The following CSMD1 variants were observed in gnomAD, a reference collection of about 807,000 sequenced individuals.
CSMD1 encodes CUB and sushi domain-containing protein 1.
Under a neutral mutation model 417.5 loss-of-function variants are expected in CSMD1, and 213 were observed. The ratio of observed to expected loss-of-function variants is 0.51; its 90% confidence interval spans 0.46 to 0.57. The LOEUF (loss-of-function observed/expected upper bound fraction) is 0.57, where lower values mean the gene tolerates loss of function less well. CSMD1 is among the 20% of genes least tolerant of loss of function. The pLI, the probability that CSMD1 is intolerant of heterozygous loss-of-function variation, is 0.00. For missense variants in CSMD1, 6,923 were observed against 4,529.7 expected, an observed-to-expected ratio of 1.53 and a Z score of -15.17; for synonymous variants, 2,862 against 1,736.8, an observed-to-expected ratio of 1.65 and a Z score of -16.11.
intron 54 of CSMD1, among the ~76,000 whole-genome samples, chr8:2,993,224 C>G (rs373550160): frequency 1.3e-5 from 2 of 152,164 alleles, no homozygotes; most frequent in East Asian, 3.9e-4. Flanking sequence ...AAGGCCACTT[C>G]TAGTTAGTGA....
At chr8:4,038,357 C>CA (rs1304356906) in intron 3 of CSMD1, among the ~76,000 whole-genome samples, 6 of 151,882 alleles carry the variant, frequency 4.0e-5, no homozygotes, top group African/African-American at 7.3e-5. Context: ...ACTAAAAAAT[C>CA]AAAAAAACTT....
chr8:4,674,839 G>C (rs1430113064), intron 1 of CSMD1, among the ~76,000 whole-genome samples: 1 of 151,338 alleles, frequency 6.6e-6, no homozygotes, highest in Non-Finnish European at 1.5e-5. Flanking sequence ...GATATCTGGA[G>C]GTGGGGCATT....
At chr8:4,314,290 A>G (rs549946089) in intron 3 of CSMD1, among the ~76,000 whole-genome samples, 46 of 152,292 alleles carry the variant, frequency 3.0e-4, no homozygotes, top group Non-Finnish European at 5.4e-4. Context: ...GACAAAGTAC[A>G]TAGGATTAAA....
Position 4,318,647 on chromosome 8 carries a change from G to C in CSMD1, c.415+101306C>G, listed in dbSNP as rs113113341. Among the ~76,000 whole-genome samples the C allele has an allele frequency of 9.6e-3, 818 of 85,266 alleles. 7 individuals carry two copies. Among genetic ancestry groups the C allele is most frequent in the African/African-American group, 0.02 (742 of 36,704 alleles). 55.9% of individuals were successfully genotyped at this position (85,266 alleles called of 152,430 possible). ...AAAGTGACACACCTTCTAAATTTAA[G>C]ACGTCACTGATTGTTTTTGATATCA... On this transcript the variant is annotated intron_variant, in intron 3 of 69. Transcript: ENST00000635120.
chr8:3,195,442 G>A (rs1264780936), intron 33 of CSMD1, among the ~76,000 whole-genome samples: 1 of 152,320 alleles, frequency 6.6e-6, no homozygotes, highest in Non-Finnish European at 1.5e-5. Context: ...ATTACTTAAT[G>A]GCATAGAATC....
intron 49 of CSMD1, among the ~76,000 whole-genome samples, chr8:3,075,866 A>C (rs111288581): frequency 0.027 from 3,974 of 148,032 alleles, 172 homozygotes; most frequent in African/African-American, 0.094. Context: ...ATGGGGAAAC[A>C]CTGTCTCTAC....
chr8:4,841,665 G>A (rs550494221), intron 1 of CSMD1, among the ~76,000 whole-genome samples: 124 of 152,078 alleles, frequency 8.2e-4, no homozygotes, highest in Non-Finnish European at 1.5e-3. Flanking sequence ...AATCCCAGCC[G>A]TTTGGGAGGC....
At chr8:4,272,143 T>C (rs1224255152) in intron 3 of CSMD1, among the ~76,000 whole-genome samples, 3 of 152,162 alleles carry the variant, frequency 2.0e-5, no homozygotes, top group African/African-American at 7.2e-5. Flanking sequence ...ACATGGAGTC[T>C]TACTAGATTA....
chr8:4,067,545 A>G (rs1164275594), intron 3 of CSMD1, among the ~76,000 whole-genome samples: 2 of 152,090 alleles, frequency 1.3e-5, no homozygotes, highest in Non-Finnish European at 2.9e-5. Flanking sequence ...ATAGCTTTAC[A>G]TGTACCTAAA....
At chr8:3,904,355 G>T (rs768320672) in intron 5 of CSMD1, among the ~76,000 whole-genome samples, 1 of 152,126 alleles carries the variant, frequency 6.6e-6, no homozygotes, top group East Asian at 1.9e-4. Flanking sequence ...ATATGTGACA[G>T]ATTCACACTA....
At chr8:4,201,762 G>T (rs895571373) in intron 3 of CSMD1, among the ~76,000 whole-genome samples, 4 of 151,924 alleles carry the variant, frequency 2.6e-5, no homozygotes, top group African/African-American at 9.7e-5. Context: ...ACTCTTGAGA[G>T]TCTATGAAGG....
At chr8:3,054,815 A>G (rs1246134971) in intron 49 of CSMD1, among the ~76,000 whole-genome samples, 2 of 152,246 alleles carry the variant, frequency 1.3e-5, no homozygotes, top group Non-Finnish European at 2.9e-5. Context: ...GGGGCAAAGC[A>G]TTTCAAATAA....
intron 2 of CSMD1, among the ~76,000 whole-genome samples, chr8:4,531,466 T>A (rs1796814619): frequency 6.6e-6 from 1 of 152,196 alleles, no homozygotes. Flanking sequence ...AATATCTATG[T>A]GGCTTTGTTT....
At chr8:3,038,014 T>C (rs567810124) in intron 50 of CSMD1, among the ~76,000 whole-genome samples, 1 of 152,350 alleles carries the variant, frequency 6.6e-6, no homozygotes, top group African/African-American at 2.4e-5. Context: ...CGGGCATCTA[T>C]ATTTCTCTGG....
chr8:4,255,535 A>G (rs928607772), intron 3 of CSMD1, among the ~76,000 whole-genome samples: 3 of 152,200 alleles, frequency 2.0e-5, no homozygotes, highest in African/African-American at 7.2e-5. Flanking sequence ...TAAAAGTCGC[A>G]ATCACTTTTG....
intron 7 of CSMD1, among the ~76,000 whole-genome samples, chr8:3,705,257 C>T (rs556647482): frequency 3.9e-5 from 6 of 152,302 alleles, no homozygotes; most frequent in Admixed American, 2.6e-4. Flanking sequence ...GACATGAACG[C>T]ACAAGGTCAC....
At chr8:3,456,392 G>T (rs6996643) in intron 12 of CSMD1, among the ~76,000 whole-genome samples, 3 of 151,978 alleles carry the variant, frequency 2.0e-5, no homozygotes, top group African/African-American at 7.3e-5. Context: ...CATCCCTCAC[G>T]CTGGGAGCTG....
chr8:3,114,483 A>T (rs1190445277), intron 42 of CSMD1, among the ~76,000 whole-genome samples: 4 of 150,764 alleles, frequency 2.7e-5, no homozygotes, highest in Admixed American at 2.0e-4. Context: ...CTTGACTCTC[A>T]ATATATCGAA....
At chr8:3,969,586 T>G (rs1002870270) in intron 5 of CSMD1, among the ~76,000 whole-genome samples, 1 of 152,146 alleles carries the variant, frequency 6.6e-6, no homozygotes, top group African/African-American at 2.4e-5. Flanking sequence ...ATAATTGAAA[T>G]TTCATTCCAT....
Sources: gnomAD v4.1 joint callset for allele counts (sites outside exome capture counted in the v4.1 genomes callset) on GRCh38, gnomAD v4.1.1 for gene constraint, MANE v1.5 for transcripts, NCBI Gene and HGNC (gene_info 2026-07-23, HGNC 2026-07-21) for gene names.